TRIM2: variants seen among roughly 807,000 people sequenced by gnomAD.
TRIM2 encodes the protein tripartite motif containing 2, also known as tripartite motif-containing protein 2.
Under a neutral mutation model 75.2 loss-of-function variants are expected in TRIM2, and 20 were observed. The ratio of observed to expected loss-of-function variants is 0.27; its 90% CI spans 0.19 to 0.39. The LOEUF is 0.39. Among genes scored for constraint, TRIM2 ranks in the 10% least tolerant of loss-of-function variants. TRIM2 has a pLI of 1.00. For missense variants in TRIM2, 660 were observed against 990.8 expected (o/e 0.67, Z 4.48); for synonymous variants, 373 against 388.3 (o/e 0.96, Z 0.46).
intron 1 of TRIM2, among the ~76,000 whole-genome samples, chr4:153,266,098 CA>C (rs1038343367): frequency 3.3e-5 from 5 of 152,200 alleles, no homozygotes; most frequent in Non-Finnish European, 7.3e-5. Context: ...TTTAACTATG[CA>C]GTGAGTTCTG....
intron 1 of TRIM2, among the ~76,000 whole-genome samples, chr4:153,268,297 A>C (rs1331769170): frequency 1.3e-5 from 2 of 152,218 alleles, no homozygotes; most frequent in Non-Finnish European, 2.9e-5. Context: ...CTTGTAGCTA[A>C]TTTGTTAGTC....
chr4:153,235,942 T>C (rs1256718179), intron 1 of TRIM2, among the ~76,000 whole-genome samples: 1 of 152,126 alleles, frequency 6.6e-6, no homozygotes, highest in Non-Finnish European at 1.5e-5. Flanking sequence ...CCCTAGATTC[T>C]AAGTCTCCTG....
chr4:153,316,873 C>CATTT (rs1767715799), intron 8 of TRIM2, among the ~76,000 whole-genome samples: 1 of 61,574 alleles, frequency 1.6e-5, no homozygotes, highest in Non-Finnish European at 2.6e-5. Context: ...TGCATTATGC[C>CATTT]TTTTTTTTTT....
At position 153,325,967 on chromosome 4, in the gene TRIM2, A is replaced by G. The variant is rs549388928; in HGVS notation, c.2022+1819A>G. Among the ~76,000 whole-genome samples the G allele has an allele frequency of 2.5e-4, 38 of 152,340 alleles. 1 individual carries two copies. The South Asian group carries it at 3.7e-3, about 15-fold the overall frequency. ...CTAAATAGTTTCATAAAATAGGTAC[A>G]TATAAAGTTTCCTAACTTTCCAAAA... On this transcript the variant is annotated intron_variant, in intron 10 of 11. Transcript: ENST00000338700.
intron 1 of TRIM2, among the ~76,000 whole-genome samples, chr4:153,205,858 G>A (rs754167760): frequency 6.6e-6 from 1 of 152,202 alleles, no homozygotes; most frequent in East Asian, 1.9e-4. Context: ...ATGAATGCTT[G>A]AACCCATTGT....
At chr4:153,196,188 G>A (rs1313773982) in intron 1 of TRIM2, among the ~76,000 whole-genome samples, 2 of 152,178 alleles carry the variant, frequency 1.3e-5, no homozygotes, top group Non-Finnish European at 2.9e-5. Context: ...CACGTCGGGA[G>A]GCTGAGCAGA....
intron 1 of TRIM2, among the ~76,000 whole-genome samples, chr4:153,213,333 C>T (rs913419348): frequency 6.6e-6 from 1 of 152,146 alleles, no homozygotes; most frequent in Non-Finnish European, 1.5e-5. Flanking sequence ...TGTCTTCATG[C>T]TTCTATTTCT....
intron 6 of TRIM2, among the ~76,000 whole-genome samples, chr4:153,313,780 G>A (rs1257382698): frequency 1.3e-5 from 2 of 151,124 alleles, no homozygotes; most frequent in Non-Finnish European, 2.9e-5. Context: ...GGGATTACAG[G>A]CACACACTGC....
chr4:153,315,426 G>C (rs537189846), intron 6 of TRIM2, 59 bp from the exon 7 acceptor site: 6 of 1,346,254 alleles, frequency 4.5e-6, no homozygotes, highest in Non-Finnish European at 6.2e-6. Context: ...TTCTCTTGCT[G>C]AAACAGAGAA....
At chr4:153,235,732 C>CCA in intron 1 of TRIM2, among the ~76,000 whole-genome samples, 1 of 152,318 alleles carries the variant, frequency 6.6e-6, no homozygotes, top group Non-Finnish European at 1.5e-5. Context: ...CTGAATGTGT[C>CCA]AGGTTGTTGA....
At chr4:153,211,402 G>A (rs905273990) in intron 1 of TRIM2, among the ~76,000 whole-genome samples, 11 of 152,160 alleles carry the variant, frequency 7.2e-5, no homozygotes, top group Admixed American at 1.3e-4. Flanking sequence ...ACCTTTAGGA[G>A]CAAGGTGGGG....
chr4:153,158,471 G>A (rs1327890115), intron 1 of TRIM2, among the ~76,000 whole-genome samples: 1 of 151,890 alleles, frequency 6.6e-6, no homozygotes, highest in Non-Finnish European at 1.5e-5. Context: ...ATATGTAATG[G>A]GCAACAAAAA....
In TRIM2 at chr4:153,291,525, G is replaced by T. The variant is rs74971483; in HGVS notation, c.454-1457G>T. ...TCACTTTGTGAAAATCCATCAAGCT[G>T]CATTAAGATTTATGCCCTTTTCTGT... On this transcript the variant is annotated intron_variant, in intron 3 of 11. Coordinates refer to ENST00000338700, the MANE Select transcript of TRIM2 (RefSeq NM_015271.5). Among the ~76,000 whole-genome samples the T allele has an allele frequency of 3.2e-3, 492 of 152,254 alleles. 14 individuals carry two copies. The East Asian group carries it at 0.073, about 23-fold the overall frequency.
At chr4:153,269,138 C>T (rs1427915432) in intron 1 of TRIM2, among the ~76,000 whole-genome samples, 3 of 152,042 alleles carry the variant, frequency 2.0e-5, no homozygotes, top group Non-Finnish European at 4.4e-5. Context: ...GACAGATTAA[C>T]GGGAGAAAAA....
intron 1 of TRIM2, among the ~76,000 whole-genome samples, chr4:153,244,619 G>C (rs1748624045): frequency 6.6e-6 from 1 of 151,678 alleles, no homozygotes; most frequent in South Asian, 2.1e-4. Flanking sequence ...TTATAAGAAA[G>C]CTTTGCATTT....
chr4:153,323,489 G>GTTTTGTTTTGTT (rs1554002570), intron 9 of TRIM2, among the ~76,000 whole-genome samples: 178 of 152,156 alleles, frequency 1.2e-3, no homozygotes, highest in African/African-American at 3.8e-3. Context: ...GTTTTGTTTT[G>GTTTTGTTTTGTT]TTTTGTTTTT....
rs551689811 is a variant in TRIM2, at chr4:153,181,813, T to C, written c.-49+28543T>C. ...GCCCGTTCCCTGCCTTGCCCCTTTCTTGGCCCAGCTCATGTCTCCCCAGAT... is the reference window on the plus strand; with the variant it reads ...GCCCGTTCCCTGCCTTGCCCCTTTCCTGGCCCAGCTCATGTCTCCCCAGAT... On this transcript the variant is annotated intron_variant, in intron 1 of 11. Coordinates refer to the TRIM2 transcript ENST00000437508. Among the ~76,000 whole-genome samples the C allele has an allele frequency of 4.3e-3, 652 of 152,246 alleles. 2 individuals carry two copies. Among genetic ancestry groups the C allele is most frequent in the Non-Finnish European group, 7.2e-3 (492 of 68,006 alleles).
At chr4:153,323,471 G>GTTGTT (rs370045243) in intron 9 of TRIM2, among the ~76,000 whole-genome samples, 67 of 152,198 alleles carry the variant, frequency 4.4e-4, no homozygotes, top group South Asian at 8.3e-4. Context: ...TGGGTTTTCT[G>GTTGTT]TTGTTTTGTT....
At chr4:153,311,650 C>A (rs1766323940) in intron 6 of TRIM2, among the ~76,000 whole-genome samples, 1 of 150,022 alleles carries the variant, frequency 6.7e-6, no homozygotes, top group Admixed American at 6.6e-5. Context: ...ATAGTCACTT[C>A]TTTGGTTTAT....
Sources: gnomAD v4.1 joint callset for allele counts (sites outside exome capture counted in the v4.1 genomes callset) on GRCh38, gnomAD v4.1.1 for gene constraint, MANE v1.5 for transcripts, NCBI Gene and HGNC (gene_info 2026-07-23, HGNC 2026-07-21) for gene names.